Variants in PI4KA observed in about 807,000 individuals in gnomAD.
The protein encoded by PI4KA is phosphatidylinositol 4-kinase alpha, also known as PI4-kinase alpha.
Under a neutral mutation model 271.4 loss-of-function variants are expected in PI4KA, and 122 were observed. The observed-to-expected ratio is 0.45, with a 90% CI of 0.39 to 0.52. The LOEUF (loss-of-function observed/expected upper bound fraction) is 0.52, where lower values mean the gene tolerates loss of function less well. Ranked by LOEUF, PI4KA falls within the 20% of genes least tolerant of loss-of-function variation. PI4KA has a pLI of 0.00. For synonymous variants in PI4KA, 1,041 were observed against 1,078.8 expected, an observed-to-expected ratio of 0.96 and a Z score of 0.69; for missense variants, 1,969 against 2,769.1, an observed-to-expected ratio of 0.71 and a Z score of 6.48.
rs1055889579 is a variant in PI4KA, at chr22:20,807,449, T to C, written c.1081A>G (p.Ser361Gly). 3.7e-6 allele frequency: 6 copies of C among 1,609,898 alleles called. No homozygotes were observed. Among genetic ancestry groups the C allele is most frequent in the Non-Finnish European group, 4.3e-6 (5 of 1,176,270 alleles). The change falls in exon 10 of 55, where the codon AGT (serine) becomes GGT (glycine). Residue 361 changes from serine to glycine, a missense_variant. Around this residue, in one of 13 missense-constraint regions of PI4KA, gnomAD observed 540 missense variants for 555.5 expected, o/e 0.97. Transcript: ENST00000255882. ...AAGGAAGTGTAGTAGAGATCAGCAC[T>C]GGGGTTGGCCTGCAGGGAAGGCAGA... ...IVASVMEANPSADLYYTSFSD... is the reference protein window; with the variant it reads ...IVASVMEANPGADLYYTSFSD...
chr22:20,835,918 G>T (rs1347423269), intron 2 of PI4KA, among the ~76,000 whole-genome samples: 1 of 151,508 alleles, frequency 6.6e-6, no homozygotes, highest in Non-Finnish European at 1.5e-5. Context: ...CATGGTGGTG[G>T]GCACCTGTAG....
chr22:20,830,587 T>C (rs1924029827), intron 3 of PI4KA, among the ~76,000 whole-genome samples: 1 of 152,216 alleles, frequency 6.6e-6, no homozygotes, highest in Non-Finnish European at 1.5e-5. Context: ...TGGGTCTTGC[T>C]TCTTTATCCA....
intron 7 of PI4KA, among the ~76,000 whole-genome samples, chr22:20,817,304 G>A (rs165789): frequency 0.49 from 74,084 of 151,874 alleles, 18,575 homozygotes; most frequent in African/African-American, 0.59. Flanking sequence ...CCCATTTGCT[G>A]TCCCTTAATC....
intron 43 of PI4KA, among the ~76,000 whole-genome samples, chr22:20,720,022 T>A (rs1926519991): frequency 2.1e-5 from 2 of 94,920 alleles, no homozygotes; most frequent in Non-Finnish European, 3.8e-5. Flanking sequence ...CAAGACTCTG[T>A]CTCAAAAAAA....
intron 4 of PI4KA, among the ~76,000 whole-genome samples, chr22:20,821,361 GGT>G (rs1491450112): frequency 1.2e-4 from 18 of 152,142 alleles, no homozygotes; most frequent in East Asian, 1.2e-3. Context: ...TAAGATTACA[GGT>G]GCATGCCACC....
intron 19 of PI4KA, chr22:20,784,365 C>T (rs1371193866): frequency 1.5e-6 from 2 of 1,309,152 alleles, no homozygotes; most frequent in Non-Finnish European, 2.1e-6. Context: ...CAAGAACTTC[C>T]ATACAGGGCC....
At chr22:20,779,055 A>G in intron 19 of PI4KA, 1 of 883,216 alleles carries the variant, frequency 1.1e-6, no homozygotes, top group Non-Finnish European at 1.6e-6. Context: ...GCAAACCTTT[A>G]AAGAAGGGAT....
At chr22:20,751,492 T>G in intron 26 of PI4KA, 116 bp from the exon 27 acceptor site, 1 of 980,314 alleles carries the variant, frequency 1.0e-6, no homozygotes, top group Admixed American at 2.1e-5. Flanking sequence ...CCATACTTGA[T>G]GCAACTTATT....
chr22:20,816,525 T>G (rs181954659), intron 7 of PI4KA, among the ~76,000 whole-genome samples: 24 of 152,218 alleles, frequency 1.6e-4, no homozygotes, highest in Non-Finnish European at 2.4e-4. Flanking sequence ...TCTTAGTATG[T>G]GGTGTTGTAT....
At chr22:20,710,473 A>T (rs1925107816) in intron 52 of PI4KA, 1 of 587,648 alleles carries the variant, frequency 1.7e-6, no homozygotes, top group African/African-American at 1.9e-5. Context: ...CCATGGCTGA[A>T]GGCGTGGGCA....
chr22:20,753,005 T>G lies in PI4KA; in HGVS notation c.2885A>C (p.Glu962Ala). The G allele has an allele frequency of 6.2e-7, 1 of 1,614,206 alleles. No homozygotes were observed. Among genetic ancestry groups the G allele is most frequent in the Non-Finnish European group, 8.5e-7 (1 of 1,180,028 alleles). The change falls in exon 25 of 55, where the codon GAG becomes GCG. Residue 962 changes from glutamate to alanine, a missense_variant. Glu to Ala is a moderately radical substitution (Grantham distance 107). Transcript: ENST00000255882. ...ADKAKTKENE[E>A]ELERHAQFLL... ...GAACTGAGCGTGCCGCTCCAGCTCC[T>G]CCTCGTTCTCCTTGGTCTTGGCCTA...
Position 20,809,952 on chromosome 22 carries a change from C to T in PI4KA, c.1071+1015G>A, listed in dbSNP as rs1396315390. On this transcript the variant is annotated intron_variant, in intron 9 of 54. Coordinates refer to ENST00000255882, the MANE Select transcript of PI4KA (RefSeq NM_058004.4). The stretch of plus-strand genomic sequence containing the variant: ...GGCCCTGGTAGTTCCTTCCCTGCTT[C>T]ATACCTGAGCCCCAGGTACAGTGGT... Among the ~76,000 whole-genome samples, 7 of 152,268 alleles carry T rather than the reference C, an allele frequency of 4.6e-5. No homozygotes were observed. In the East Asian group the frequency reaches 9.7e-4, roughly 21 times the overall value.
chr22:20,760,296 T>C (rs1302246063), intron 23 of PI4KA, among the ~76,000 whole-genome samples: 1 of 152,224 alleles, frequency 6.6e-6, no homozygotes, highest in Non-Finnish European at 1.5e-5. Flanking sequence ...ATTCTAAGCA[T>C]TTAATTAAAA....
intron 52 of PI4KA, chr22:20,710,309 G>C (rs199898772): frequency 6.4e-5 from 34 of 534,022 alleles, no homozygotes; most frequent in East Asian, 6.0e-4. Context: ...TTTCTCTGCA[G>C]GGCAGTGGGG....
Position 20,804,994 on chromosome 22 carries a change from C to T in PI4KA, c.1340G>A (p.Trp447Ter), listed in dbSNP as rs1437232723. ...ANAACVDLMV[W>*]AVKDEQGAEN... ...CTCACCCTGCTCGTCCTTCACAGCC[C>T]ACACCATGAGGTCCACACAGGCAGC... Residue 447 changes from tryptophan (W) to a stop codon, truncating the protein, a stop_gained, in exon 11 of 55, where the codon TGG becomes TAG. Coordinates refer to ENST00000255882, the MANE Select transcript of PI4KA (RefSeq NM_058004.4). LOFTEE classifies it high-confidence loss of function. 3 of 1,613,488 alleles carry T rather than the reference C, an allele frequency of 1.9e-6. No homozygotes were observed. Among genetic ancestry groups the T allele is most frequent in the Admixed American group, 3.3e-5 (2 of 59,984 alleles).
At chr22:20,764,552 C>CT in intron 22 of PI4KA, 1 of 400,312 alleles carries the variant, frequency 2.5e-6, no homozygotes, top group Non-Finnish European at 4.5e-6. Flanking sequence ...GTTCACAACA[C>CT]TGACTGCAAC....
intron 3 of PI4KA, among the ~76,000 whole-genome samples, chr22:20,833,685 G>A (rs1280831407): frequency 1.4e-5 from 2 of 145,542 alleles, no homozygotes; most frequent in Non-Finnish European, 3.0e-5. Context: ...TTTTGAGACG[G>A]AGTCTCGTGC....
chr22:20,710,502 T>G, intron 52 of PI4KA, 197 bp downstream of exon 52: 2 of 623,786 alleles, frequency 3.2e-6, no homozygotes, highest in South Asian at 3.9e-5. Context: ...GGGAAGGTGG[T>G]TGGAATTAGA....
intron 39 of PI4KA, among the ~76,000 whole-genome samples, chr22:20,728,600 T>C (rs1927643179): frequency 6.6e-6 from 1 of 152,192 alleles, no homozygotes; most frequent in South Asian, 2.1e-4. Flanking sequence ...GGTTTCCAGG[T>C]GTTCCCACCT....
Sources: gnomAD v4.1 joint callset for allele counts (sites outside exome capture counted in the v4.1 genomes callset) on GRCh38, gnomAD v4.1.1 for gene constraint, gnomAD v4.1.1 regional missense constraint, MANE v1.5 for transcripts, NCBI Gene and HGNC (gene_info 2026-07-23, HGNC 2026-07-21) for gene names.